Variants in CAMK1D observed in about 807,000 individuals in gnomAD.
CAMK1D encodes calcium/calmodulin-dependent protein kinase type 1D.
CAMK1D carries 9 observed loss-of-function variants against 47.7 expected under a neutral mutation model. That is an observed-to-expected ratio of 0.19 (90% CI 0.11 to 0.33). The LOEUF is 0.33. Among genes scored for constraint, CAMK1D ranks in the 10% least tolerant of loss-of-function variants. CAMK1D has a pLI of 1.00. For synonymous variants in CAMK1D, 184 were observed against 184.9 expected, an observed-to-expected ratio of 0.99 and a Z score of 0.04; for missense variants, 291 against 488.7, an observed-to-expected ratio of 0.60 and a Z score of 3.81.
intron 5 of CAMK1D, 135 bp from the exon 6 acceptor site, chr10:12,791,023 C>G: frequency 1.4e-6 from 1 of 694,808 alleles, no homozygotes. Context: ...AAAGCCAACA[C>G]ATAAAATGGG....
rs538498080 is a variant in CAMK1D at position 12,612,975 on chromosome 10, C to A, written c.225-53761C>A. On this transcript the variant is annotated intron_variant, in intron 2 of 10. Coordinates refer to ENST00000619168, the MANE Select transcript of CAMK1D (RefSeq NM_153498.4). ...TGATTGTTAATAGAATGAGTGTCCG[C>A]ATCTCTTTCTCAAGACCTGACTAGA... is the stretch of plus-strand genomic sequence containing the variant. Among the ~76,000 whole-genome samples, 4 of 152,258 alleles carry A rather than the reference C, an allele frequency of 2.6e-5. No homozygotes were observed. The South Asian group carries it at 8.3e-4, about 32-fold the overall frequency.
At chr10:12,474,477 A>G (rs2724814) in intron 1 of CAMK1D, among the ~76,000 whole-genome samples, 120,204 of 152,000 alleles carry the variant, frequency 0.79, 47,688 homozygotes, top group East Asian at 0.97. Context: ...ACAGGCGTGA[A>G]CCACCGCACC....
chr10:12,752,529 G>C (rs1836036964), intron 3 of CAMK1D, among the ~76,000 whole-genome samples: 1 of 152,146 alleles, frequency 6.6e-6, no homozygotes, highest in African/African-American at 2.4e-5. Context: ...CTAAAAGCCA[G>C]ACTTCACCAC....
intron 3 of CAMK1D, among the ~76,000 whole-genome samples, chr10:12,712,192 C>T (rs1017572351): frequency 3.7e-4 from 57 of 152,294 alleles, no homozygotes; most frequent in African/African-American, 1.3e-3. Flanking sequence ...AGGGAAGCTC[C>T]GCTCTCCTTC....
chr10:12,735,198 C>T (rs7092941), intron 3 of CAMK1D, among the ~76,000 whole-genome samples: 136,733 of 152,270 alleles, frequency 0.9, 62,755 homozygotes, highest in Non-Finnish European at 0.99. Context: ...AAGTGTCGGC[C>T]GGGCGCGGTG....
rs941693741 is a variant in CAMK1D, at chr10:12,756,722, C to T, written c.300-4226C>T. Among the ~76,000 whole-genome samples the T allele has an allele frequency of 3.9e-5, 6 of 152,048 alleles. No homozygotes were observed. In the South Asian group the frequency reaches 6.2e-4, roughly 16 times the overall value. On this transcript the variant is annotated intron_variant, in intron 3 of 10. Coordinates refer to ENST00000619168, the MANE Select transcript of CAMK1D (RefSeq NM_153498.4). The stretch of plus-strand genomic sequence containing the variant: ...TGGGTGGATCACGAGGTCAGAAGAT[C>T]GACACCATCCTGGCTAACACGGTGA...
chr10:12,436,807 C>T (rs562483522), intron 1 of CAMK1D, among the ~76,000 whole-genome samples: 9 of 152,284 alleles, frequency 5.9e-5, no homozygotes, highest in East Asian at 5.8e-4. Flanking sequence ...TCACAATACA[C>T]GTATTAAGTG....
At chr10:12,655,748 T>C (rs1248083799) in intron 2 of CAMK1D, among the ~76,000 whole-genome samples, 3 of 152,306 alleles carry the variant, frequency 2.0e-5, no homozygotes, top group East Asian at 3.9e-4. Flanking sequence ...CACTTGGGCG[T>C]TTCTGTATTA....
At chr10:12,563,455 A>C (rs1383239498) in intron 2 of CAMK1D, among the ~76,000 whole-genome samples, 1 of 152,204 alleles carries the variant, frequency 6.6e-6, no homozygotes, top group Non-Finnish European at 1.5e-5. Context: ...GGGTGAGGAT[A>C]ATCTTTTTAC....
At chr10:12,444,356 T>G (rs1228743674) in intron 1 of CAMK1D, among the ~76,000 whole-genome samples, 3 of 152,130 alleles carry the variant, frequency 2.0e-5, no homozygotes, top group Admixed American at 6.5e-5. Flanking sequence ...AACCTGCGTT[T>G]CCTTGGCCTC....
intron 3 of CAMK1D, among the ~76,000 whole-genome samples, chr10:12,672,025 C>T (rs910649296): frequency 6.6e-6 from 1 of 151,082 alleles, no homozygotes; most frequent in Non-Finnish European, 1.5e-5. Flanking sequence ...ATGCCATTCT[C>T]CTGCCCCAGC....
chr10:12,733,070 T>A (rs1339762369), intron 3 of CAMK1D, among the ~76,000 whole-genome samples: 1 of 152,252 alleles, frequency 6.6e-6, no homozygotes, highest in Non-Finnish European at 1.5e-5. Flanking sequence ...CACTCCCTGG[T>A]CCAAATCTTT....
chr10:12,517,909 G>A (rs574406082), intron 1 of CAMK1D, among the ~76,000 whole-genome samples: 1 of 152,286 alleles, frequency 6.6e-6, no homozygotes, highest in African/African-American at 2.4e-5. Flanking sequence ...TACAAAATGA[G>A]TTGCAAAGTA....
intron 2 of CAMK1D, among the ~76,000 whole-genome samples, chr10:12,608,399 CAA>C (rs1388748327): frequency 6.6e-6 from 1 of 152,182 alleles, no homozygotes; most frequent in African/African-American, 2.4e-5. Context: ...GCCTGGGCAA[CAA>C]GAGTGAAACT....
At position 12,814,260 on chromosome 10, in the gene CAMK1D, C is replaced by A; in HGVS notation, c.707C>A (p.Ala236Glu). 1 of 1,613,898 alleles carries A rather than the reference C, an allele frequency of 6.2e-7. No individual in the cohort carries two copies. Among genetic ancestry groups the A allele is most frequent in the South Asian group, 1.1e-5 (1 of 91,076 alleles). Residue 236 changes from alanine (A) to glutamate (E), a missense_variant, in exon 7 of 11, where the codon GCG (alanine) becomes GAG (glutamate). Physicochemically the swap from Ala to Glu is moderately radical, Grantham distance 107. Transcript: ENST00000619168. Reference protein sequence around the residue: ...DSKLFEQILKAEYEFDSPYWD... With the variant: ...DSKLFEQILKEEYEFDSPYWD... ...AAGCTCTTTGAGCAGATCCTCAAGG[C>A]GGAATATGAGTTTGACTCTCCCTAC...
chr10:12,679,644 G>A (rs372508948), intron 3 of CAMK1D, among the ~76,000 whole-genome samples: 20 of 152,326 alleles, frequency 1.3e-4, no homozygotes, highest in Admixed American at 7.2e-4. Flanking sequence ...CAAGTGCAGT[G>A]TATCCATTCC....
intron 2 of CAMK1D, among the ~76,000 whole-genome samples, chr10:12,601,070 TG>T (rs766824731): frequency 6.6e-6 from 1 of 152,200 alleles, no homozygotes; most frequent in Non-Finnish European, 1.5e-5. Context: ...TTTGCAATTG[TG>T]GGTGGTGCGG....
chr10:12,510,414 T>TA (rs10682784), intron 1 of CAMK1D, among the ~76,000 whole-genome samples: 1,949 of 151,126 alleles, frequency 0.013, 39 homozygotes, highest in East Asian at 0.073. Context: ...AGACTCCGTC[T>TA]AAAAAAAAAT....
chr10:12,391,988 C>CACACA (rs1423959093), intron 1 of CAMK1D, among the ~76,000 whole-genome samples: 1 of 134,918 alleles, frequency 7.4e-6, no homozygotes, highest in Non-Finnish European at 1.7e-5. Context: ...CACACACACA[C>CACACA]ACACACACAC....
Sources: allele counts gnomAD v4.1 joint callset (sites outside exome capture counted in the v4.1 genomes callset), GRCh38; gene constraint gnomAD v4.1.1; transcripts MANE v1.5; gene names NCBI Gene and HGNC (gene_info 2026-07-23, HGNC 2026-07-21).